The following CHGB variants were observed in gnomAD, a reference collection of about 807,000 sequenced individuals.
CHGB encodes chromogranin B, also known as secretogranin-1.
CHGB carries 46 observed loss-of-function variants against 69.9 expected under a neutral mutation model. The observed-to-expected ratio is 0.66, with a 90% confidence interval of 0.52 to 0.84. The LOEUF (loss-of-function observed/expected upper bound fraction) is 0.84, where lower values mean the gene tolerates loss of function less well. Ranked by LOEUF, CHGB falls within the 40% of genes least tolerant of loss-of-function variation. CHGB has a pLI of 0.00. For missense variants in CHGB, 796 were observed against 822.2 expected, an observed-to-expected ratio of 0.97 and a Z score of 0.39; for synonymous variants, 312 against 298.2, an observed-to-expected ratio of 1.05 and a Z score of -0.48.
intron 4 of CHGB, among the ~76,000 whole-genome samples, 179 bp downstream of exon 4, chr20:5,924,279 G>A (rs970489077): frequency 1.3e-5 from 2 of 152,184 alleles, no homozygotes; most frequent in African/African-American, 2.4e-5. Context: ...TCTAGCCATC[G>A]TCCACATCCT....
At chr20:5,915,018 T>TGA (rs1428405134) in intron 1 of CHGB, among the ~76,000 whole-genome samples, 1 of 152,236 alleles carries the variant, frequency 6.6e-6, no homozygotes, top group East Asian at 1.9e-4. Flanking sequence ...TCATGTCTGA[T>TGA]GTCTGAGAAC....
At position 5,922,907 on chromosome 20, in the gene CHGB, G is replaced by C; in HGVS notation, c.763G>C (p.Gly255Arg). The change falls in exon 4 of 5, where the codon GGC becomes CGC. Residue 255 changes from glycine (G) to arginine (R), a missense_variant. Transcript: ENST00000378961. Reference protein sequence around the residue: ...SQENHPQESKGQPRSQEESEE... With the variant: ...SQENHPQESKRQPRSQEESEE... Reference sequence around the variant, plus strand: ...GGAGAATCACCCCCAGGAGTCTAAAGGCCAACCCCGAAGCCAGGAAGAATC... The same window carrying C: ...GGAGAATCACCCCCAGGAGTCTAAACGCCAACCCCGAAGCCAGGAAGAATC... 1 of 1,613,658 alleles carries C rather than the reference G, an allele frequency of 6.2e-7. No individual in the cohort carries two copies. The highest frequency in any genetic ancestry group is 1.3e-5 in the African/African-American group (1 of 75,006).
At position 5,923,454 on chromosome 20, in the gene CHGB, A is replaced by G; in HGVS notation, c.1310A>G (p.Glu437Gly). 1 of 1,614,150 alleles carries G rather than the reference A, an allele frequency of 6.2e-7. No homozygotes were observed. Among genetic ancestry groups the G allele is most frequent in the Non-Finnish European group, 8.5e-7 (1 of 1,180,026 alleles). Residue 437 changes from glutamate (E) to glycine (G), a missense_variant, in exon 4 of 5, where the codon GAG becomes GGG. Physicochemically the swap from Glu to Gly is moderately conservative, Grantham distance 98. Coordinates refer to ENST00000378961, the MANE Select transcript of CHGB (RefSeq NM_001819.3). ...RAYFMSDTRE[E>G]KRFLGEGHHR... ...TATTTCATGTCTGACACCAGAGAAG[A>G]GAAAAGGTTCTTGGGTGAAGGACAC...
intron 3 of CHGB, among the ~76,000 whole-genome samples, chr20:5,918,810 TAAAAAAAAAAA>T (rs71182109): frequency 2.5e-4 from 8 of 31,456 alleles, no homozygotes; most frequent in East Asian, 3.0e-3. Flanking sequence ...AGTCTCTGTC[TAAAAAAAAAAA>T]AAAAAAAAAA....
intron 3 of CHGB, 72 bp downstream of exon 3, chr20:5,916,991 T>G: frequency 1.5e-6 from 2 of 1,348,274 alleles, no homozygotes; most frequent in Non-Finnish European, 2.1e-6. Context: ...CCACATCACC[T>G]TCTACTTTAT....
intron 3 of CHGB, among the ~76,000 whole-genome samples, chr20:5,919,237 G>A (rs895127822): frequency 1.2e-4 from 18 of 152,182 alleles, no homozygotes; most frequent in Non-Finnish European, 2.5e-4. Context: ...AGTAACTCTA[G>A]CCTCTGCTCC....
chr20:5,916,299 AT>A, intron 1 of CHGB, 26 bp from the exon 2 acceptor site: 1 of 1,608,332 alleles, frequency 6.2e-7, no homozygotes, highest in Non-Finnish European at 8.5e-7. Flanking sequence ...AACTCAAGTC[AT>A]TTTCCATTCT....
rs1259485276 is a variant in CHGB at position 5,916,314 on chromosome 20, T to G, written c.50-12T>G. On this transcript the variant is annotated splice_polypyrimidine_tract_variant and intron_variant, in intron 1 of 4. Transcript: ENST00000378961. ...AACTCAAGTCATTTTCCATTCTTTT[T>G]CTCCTTCAAAGCTGTCAATTCCATG... 6.2e-7 allele frequency: 1 copy of G among 1,612,292 alleles called. No individual in the cohort carries two copies. The highest frequency in any genetic ancestry group is 8.5e-7 in the Non-Finnish European group (1 of 1,178,782).
chr20:5,918,171 A>C (rs1238460958), intron 3 of CHGB, among the ~76,000 whole-genome samples: 1 of 131,714 alleles, frequency 7.6e-6, no homozygotes, highest in Non-Finnish European at 1.6e-5. Context: ...AAAAAAAAAA[A>C]CTCTCATTGC....
chr20:5,912,644 A>ATG (rs4053232), intron 1 of CHGB, among the ~76,000 whole-genome samples: 5,778 of 151,592 alleles, frequency 0.038, 160 homozygotes, highest in Middle Eastern at 0.12. Flanking sequence ...GTGTGTGTGC[A>ATG]TGTGTGTGTG....
At position 5,923,654 on chromosome 20, in the gene CHGB, A is replaced by G. The variant is rs140131066; in HGVS notation, c.1510A>G (p.Lys504Glu). Residue 504 changes from lysine (K) to glutamate (E), a missense_variant, in exon 4 of 5, where the codon AAA (lysine) becomes GAA (glutamate). This residue lies in a region of CHGB where 274 missense variants were observed against 298.9 expected (regional missense o/e 0.92). Transcript: ENST00000378961. ...ENREEARFQD[K>E]QYSSHHTAEK... ...CAGGGAGGAAGCTAGGTTTCAAGATAAACAATATAGCTCCCATCACACAGC... is the reference window on the plus strand; with the variant it reads ...CAGGGAGGAAGCTAGGTTTCAAGATGAACAATATAGCTCCCATCACACAGC... 730 of 1,614,124 alleles carry G rather than the reference A, an allele frequency of 4.5e-4. 5 individuals carry two copies. The African/African-American group carries it at 8.0e-3, about 18-fold the overall frequency.
At chr20:5,924,136 C>A in intron 4 of CHGB, 36 bp downstream of exon 4, 1 of 1,534,672 alleles carries the variant, frequency 6.5e-7, no homozygotes, top group South Asian at 1.3e-5. Flanking sequence ...AGTACTTACT[C>A]TGGTCAATGT....
intron 4 of CHGB, 98 bp from the exon 5 acceptor site, chr20:5,924,874 A>G (rs2088540741): frequency 1.5e-6 from 1 of 681,884 alleles, no homozygotes. Context: ...TGCAGCTTCT[A>G]ACATGCCTAA....
rs1454418140 is a variant in CHGB, at chr20:5,916,407, G to C, written c.96+35G>C. 2.6e-6 allele frequency: 4 copies of C among 1,537,704 alleles called. No homozygotes were observed. The South Asian group carries it at 4.5e-5, about 17-fold the overall frequency. ...AATGTCAATCTTAGAATCTAGACTT[G>C]TGTCTAGACTCTAGATTCTCCCAGT... On this transcript the variant is annotated intron_variant, in intron 2 of 4. Coordinates refer to ENST00000378961, the MANE Select transcript of CHGB (RefSeq NM_001819.3).
chr20:5,921,292 G>A (rs998327271), intron 3 of CHGB, among the ~76,000 whole-genome samples: 5 of 151,984 alleles, frequency 3.3e-5, no homozygotes, highest in Admixed American at 6.6e-5. Flanking sequence ...GTCCCAGATC[G>A]GACCAGCCAC....
rs761402433 is a variant in CHGB at position 5,925,063 on chromosome 20, G to A, written c.*14G>A. Reference sequence around the variant, plus strand: ...CAAAGGGGCTGACTGTCATTGGAGCGGTGGGCACTGTTAAGAAGCAGCCAT... The same window carrying A: ...CAAAGGGGCTGACTGTCATTGGAGCAGTGGGCACTGTTAAGAAGCAGCCAT... On this transcript the variant is annotated 3_prime_UTR_variant, in exon 5 of 5. Coordinates refer to ENST00000378961, the MANE Select transcript of CHGB (RefSeq NM_001819.3). 45 of 1,584,902 alleles carry A rather than the reference G, an allele frequency of 2.8e-5. No homozygotes were observed. The highest frequency in any genetic ancestry group is 4.5e-5 in the East Asian group (2 of 44,662).
In CHGB at chr20:5,911,677, TG is replaced by T; in HGVS notation, c.46del (p.Ala16ArgfsTer18). Reference sequence around the variant, plus strand: ...CTCAGCCTCCTGGGAGCCGTGGGGCTGGCGGGTGAGTGGGCGCGGCGGGCCG... The same window carrying T: ...CTCAGCCTCCTGGGAGCCGTGGGGCTGCGGGTGAGTGGGCGCGGCGGGCCG... ...LLLSLLGAVG[L>X]AAVNSMPVDN... is the part of the protein sequence containing the mutation. On this transcript the variant is annotated frameshift_variant, in exon 1 of 5. Coordinates refer to ENST00000378961, the MANE Select transcript of CHGB (RefSeq NM_001819.3). LOFTEE classifies it high-confidence loss of function. The T allele has an allele frequency of 6.8e-7, 1 of 1,476,164 alleles. No homozygotes were observed. The allele number at this position is 1,476,164 out of a possible 1,614,324, so 91.4% of individuals were successfully genotyped here. A position where few individuals can be genotyped will look rare whatever the true frequency, so the allele number is the denominator to read the frequency against.
intron 1 of CHGB, among the ~76,000 whole-genome samples, chr20:5,915,341 T>G (rs1157280175): frequency 1.3e-5 from 2 of 152,224 alleles, no homozygotes; most frequent in Admixed American, 6.5e-5. Context: ...TTGAAATAAA[T>G]TAAAATTTTT....
rs769650024 is a variant in CHGB, at chr20:5,924,436, A to T, written c.1956+336A>T. 3.4e-4 allele frequency among the ~76,000 whole-genome samples: 52 copies of T among 152,176 alleles called. 1 individual carries two copies. Among genetic ancestry groups the T allele is most frequent in the African/African-American group, 9.7e-5 (4 of 41,444 alleles). ...CATCAGAATATTTTAAAGCTTCCAG[A>T]TGATTGCAGCGTTCAGCCAACGTTA... On this transcript the variant is annotated intron_variant, in intron 4 of 4. Coordinates refer to ENST00000378961, the MANE Select transcript of CHGB (RefSeq NM_001819.3).
Sources: gnomAD v4.1 joint callset for allele counts (sites outside exome capture counted in the v4.1 genomes callset) on GRCh38, gnomAD v4.1.1 for gene constraint, gnomAD v4.1.1 regional missense constraint, MANE v1.5 for transcripts, NCBI Gene and HGNC (gene_info 2026-07-23, HGNC 2026-07-21) for gene names.